DLC1: variants seen among roughly 807,000 people sequenced by gnomAD.
The protein encoded by DLC1 is rho GTPase-activating protein 7.
A neutral mutation model predicts 140.3 loss-of-function variants in DLC1; 54 were observed. That is an observed-to-expected ratio of 0.38 (90% CI 0.31 to 0.48). The LOEUF is 0.48. Among genes scored for constraint, DLC1 ranks in the 20% least tolerant of loss-of-function variants. DLC1 has a pLI of 0.96. For missense variants in DLC1, 2,536 were observed against 1,907.0 expected, an observed-to-expected ratio of 1.33 and a Z score of -6.14; for synonymous variants, 986 against 728.1, an observed-to-expected ratio of 1.35 and a Z score of -5.70.
intron 2 of DLC1, among the ~76,000 whole-genome samples, chr8:13,411,840 G>T (rs1449558901): frequency 6.6e-6 from 1 of 151,976 alleles, no homozygotes; most frequent in African/African-American, 2.4e-5. Flanking sequence ...CCAATATTTT[G>T]CTCATTTATC....
Position 13,086,206 on chromosome 8 carries a change from T to C in DLC1, c.4466+84A>G, listed in dbSNP as rs146602198. ...TCACCAAGAAAAAATGACGTGTTTG[T>C]TTAAGGCATTCTTTGCATTAGACAA... On this transcript the variant is annotated intron_variant, in intron 17 of 17. Transcript: ENST00000276297. 4.9e-4 allele frequency: 740 copies of C among 1,516,866 alleles called. 1 individual carries two copies. The highest frequency in any genetic ancestry group is 6.3e-4 in the Non-Finnish European group (712 of 1,125,772). 94.0% of individuals were successfully genotyped at this position (1,516,866 alleles called of 1,614,324 possible). A position where few individuals can be genotyped will look rare whatever the true frequency, so the allele number is the denominator to read the frequency against.
intron 2 of DLC1, among the ~76,000 whole-genome samples, chr8:13,430,829 C>T (rs1361997305): frequency 6.6e-6 from 1 of 152,060 alleles, no homozygotes; most frequent in Admixed American, 6.5e-5. Context: ...CATTTTATTG[C>T]TGCTAAATTT....
intron 1 of DLC1, among the ~76,000 whole-genome samples, chr8:13,529,676 G>A (rs749147545): frequency 2.6e-5 from 4 of 152,074 alleles, no homozygotes; most frequent in Admixed American, 2.0e-4. Context: ...GAGAGCCTCC[G>A]AATGGAAGAA....
intron 5 of DLC1, among the ~76,000 whole-genome samples, chr8:13,247,569 T>C (rs1829818818): frequency 6.6e-6 from 1 of 152,180 alleles, no homozygotes; most frequent in Non-Finnish European, 1.5e-5. Flanking sequence ...ATCCTGCCCA[T>C]AATTCCCTAC....
At chr8:13,457,676 CAAAAAA>C (rs34916262) in intron 2 of DLC1, among the ~76,000 whole-genome samples, 759 of 54,880 alleles carry the variant, frequency 0.014, 4 homozygotes, top group African/African-American at 0.041. Flanking sequence ...GACTCCATCT[CAAAAAA>C]AAAAAAAAAA....
At chr8:13,520,891 C>A (rs1191351020) in intron 1 of DLC1, among the ~76,000 whole-genome samples, 3 of 152,106 alleles carry the variant, frequency 2.0e-5, no homozygotes, top group Non-Finnish European at 2.9e-5. Flanking sequence ...CCAGTCACCA[C>A]CCTTGTTACA....
intron 5 of DLC1, among the ~76,000 whole-genome samples, chr8:13,287,174 C>G (rs1019392819): frequency 6.6e-6 from 1 of 152,180 alleles, no homozygotes; most frequent in Non-Finnish European, 1.5e-5. Flanking sequence ...CTCTAACTTT[C>G]CCTCCCACTT....
chr8:13,458,851 A>C lies in DLC1; in HGVS notation c.1023+40198T>G, dbSNP rs1389530669. On this transcript the variant is annotated intron_variant, in intron 2 of 17. Coordinates refer to ENST00000276297, the MANE Select transcript of DLC1 (RefSeq NM_182643.3). ...TTTGGAAAAAAAAAAAGATGCGCTTATGACTATTGTTAAAAATCTTAAAAA... is the reference window on the plus strand; with the variant it reads ...TTTGGAAAAAAAAAAAGATGCGCTTCTGACTATTGTTAAAAATCTTAAAAA... Among the ~76,000 whole-genome samples, 3 of 152,036 alleles carry C rather than the reference A, an allele frequency of 2.0e-5. No individual in the cohort carries two copies. The East Asian group carries it at 5.8e-4, about 29-fold the overall frequency.
intron 5 of DLC1, chr8:13,133,533 G>T (rs564557766): frequency 0.022 from 1,776 of 82,410 alleles, 51 homozygotes; most frequent in African/African-American, 0.077. Flanking sequence ...CCGCCCCCTC[G>T]GTTCCCTCCT....
chr8:13,141,003 C>T (rs896573645), intron 5 of DLC1, among the ~76,000 whole-genome samples: 5 of 152,054 alleles, frequency 3.3e-5, no homozygotes, highest in Non-Finnish European at 5.9e-5. Flanking sequence ...GCCTGTAATC[C>T]CAGCACTTTG....
intron 5 of DLC1, among the ~76,000 whole-genome samples, chr8:13,196,386 A>G (rs1006376037): frequency 1.3e-4 from 20 of 152,166 alleles, no homozygotes; most frequent in Non-Finnish European, 2.5e-4. Context: ...AAACAAGAAG[A>G]CACTTTACTA....
At chr8:13,351,451 C>G (rs1834658784) in intron 4 of DLC1, among the ~76,000 whole-genome samples, 1 of 152,178 alleles carries the variant, frequency 6.6e-6, no homozygotes, top group Admixed American at 6.5e-5. Flanking sequence ...ATGCCTTCAG[C>G]CAAATCTGCC....
At chr8:13,577,559 T>G (rs1329106319) in intron 1 of DLC1, among the ~76,000 whole-genome samples, 1 of 152,204 alleles carries the variant, frequency 6.6e-6, no homozygotes, top group South Asian at 2.1e-4. Context: ...TGTCATAAAA[T>G]TTTGCCAATT....
At chr8:13,466,663 G>A (rs1429512287) in intron 2 of DLC1, among the ~76,000 whole-genome samples, 1 of 152,090 alleles carries the variant, frequency 6.6e-6, no homozygotes, top group Non-Finnish European at 1.5e-5. Flanking sequence ...AGAGTTTATT[G>A]CCACTGTACT....
At chr8:13,477,850 C>T (rs189456575) in intron 2 of DLC1, among the ~76,000 whole-genome samples, 9 of 149,116 alleles carry the variant, frequency 6.0e-5, no homozygotes, top group East Asian at 4.1e-4. Flanking sequence ...ATCACTAAAT[C>T]GTTAGAAAAA....
In DLC1 at chr8:13,395,054, A is replaced by ATCT. The variant is rs879525553; in HGVS notation, c.1174-1362_1174-1361insAGA. ...TCTATCATCTATCTATCTATCTATTAGGTACCTATCTACCATCTATAAATT... is the reference window on the plus strand; with the variant it reads ...TCTATCATCTATCTATCTATCTATTATCTGGTACCTATCTACCATCTATAAATT... On this transcript the variant is annotated intron_variant, in intron 3 of 17. Coordinates refer to ENST00000276297, the MANE Select transcript of DLC1 (RefSeq NM_182643.3). Among the ~76,000 whole-genome samples the ATCT allele has an allele frequency of 4.4e-3, 621 of 141,136 alleles. 2 individuals are homozygous for ATCT. The highest frequency in any genetic ancestry group is 5.5e-3 in the African/African-American group (206 of 37,144). The allele number at this position is 141,136 out of a possible 152,430, so 92.6% of individuals were successfully genotyped here.
chr8:13,255,324 C>A (rs1830176207), intron 5 of DLC1, among the ~76,000 whole-genome samples: 1 of 152,066 alleles, frequency 6.6e-6, no homozygotes, highest in Admixed American at 6.6e-5. Flanking sequence ...ATAGTAAGAC[C>A]TATACCTCAT....
At chr8:13,384,657 A>G (rs1440806212) in intron 4 of DLC1, among the ~76,000 whole-genome samples, 1 of 152,170 alleles carries the variant, frequency 6.6e-6, no homozygotes, top group Non-Finnish European at 1.5e-5. Context: ...GTTCTAAAGT[A>G]TTGAATTTGT....
chr8:13,433,040 T>C (rs1838957987), intron 2 of DLC1, among the ~76,000 whole-genome samples: 1 of 151,426 alleles, frequency 6.6e-6, no homozygotes, highest in South Asian at 2.1e-4. Context: ...GGAACAGTTA[T>C]TGATAGCACA....
Sources: allele counts gnomAD v4.1 joint callset (sites outside exome capture counted in the v4.1 genomes callset), GRCh38; gene constraint gnomAD v4.1.1; transcripts MANE v1.5; gene names NCBI Gene and HGNC (gene_info 2026-07-23, HGNC 2026-07-21).